The following ZFYVE26 variants were observed in gnomAD, a reference collection of about 807,000 sequenced individuals.
The protein encoded by ZFYVE26 is zinc finger FYVE-type containing 26, also known as zinc finger FYVE domain-containing protein 26.
In ZFYVE26, 181 loss-of-function variants were observed where a neutral mutation model predicts 276.5. The observed-to-expected ratio is 0.65, with a 90% confidence interval of 0.58 to 0.74. The LOEUF is 0.74. Ranked by LOEUF, ZFYVE26 falls within the 30% of genes least tolerant of loss-of-function variation. ZFYVE26 has a pLI of 0.00. For synonymous variants in ZFYVE26, 1,129 were observed against 1,203.1 expected, an observed-to-expected ratio of 0.94 and a Z score of 1.27; for missense variants, 2,821 against 3,097.9, an observed-to-expected ratio of 0.91 and a Z score of 2.12.
At position 67,740,985 on chromosome 14, in the gene ZFYVE26, A is replaced by T. The variant is rs147018858; in HGVS notation, n.2679+10067T>A. Among the ~76,000 whole-genome samples, 25 of 152,308 alleles carry T rather than the reference A, an allele frequency of 1.6e-4. 1 individual carries two copies. The East Asian group carries it at 4.8e-3, about 29-fold the overall frequency. ...CCATAGACAAATGTTGCAAACACAC[A>T]TTGGAATATGAAGAAGGACAAGAAT... is the stretch of plus-strand genomic sequence containing the variant. On this transcript the variant is annotated intron_variant and non_coding_transcript_variant, in intron 13 of 14. Coordinates refer to the ZFYVE26 transcript ENST00000394455.
chr14:67,730,152 G>A (rs1201538325), intron 13 of ZFYVE26, among the ~76,000 whole-genome samples: 1 of 152,174 alleles, frequency 6.6e-6, no homozygotes, highest in African/African-American at 2.4e-5. Context: ...ACAACCCTGC[G>A]AGGCAGGTAA....
At chr14:67,740,341 AAATT>A (rs1407150405) in intron 13 of ZFYVE26, among the ~76,000 whole-genome samples, 10 of 151,288 alleles carry the variant, frequency 6.6e-5, no homozygotes, top group African/African-American at 2.4e-4. Flanking sequence ...AATGCAAAAA[AAATT>A]ATTTAAAAAA....
intron 10 of ZFYVE26, chr14:67,799,557 A>G: frequency 6.5e-7 from 1 of 1,531,706 alleles, no homozygotes; most frequent in South Asian, 1.1e-5. Context: ...AAGTACTGCA[A>G]GTCTTCCAAA....
chr14:67,757,427 C>T (rs1175789572), intron 35 of ZFYVE26, among the ~76,000 whole-genome samples: 3 of 152,142 alleles, frequency 2.0e-5, no homozygotes, highest in Non-Finnish European at 4.4e-5. Flanking sequence ...CTCATCACAC[C>T]CTCTGCCTTC....
At chr14:67,774,984 A>T (rs1009550489) in intron 27 of ZFYVE26, 32 bp downstream of exon 27, 6 of 1,536,774 alleles carry the variant, frequency 3.9e-6, no homozygotes, top group Non-Finnish European at 5.4e-6. Flanking sequence ...TAAACTGAAA[A>T]ATTTTAGTGA....
chr14:67,729,099 T>C, intron 14 of ZFYVE26: 1 of 1,312,778 alleles, frequency 7.6e-7, no homozygotes, highest in Non-Finnish European at 1.1e-6. Flanking sequence ...CCTGAGTCCC[T>C]CCTTCTCACT....
intron 28 of ZFYVE26, among the ~76,000 whole-genome samples, chr14:67,771,605 A>G (rs1033008225): frequency 2.2e-4 from 33 of 152,212 alleles, no homozygotes; most frequent in African/African-American, 7.0e-4. Context: ...TATCATCCTT[A>G]GTTTACAAGT....
downstream of ZFYVE26, among the ~76,000 whole-genome samples, chr14:67,744,166 CAA>C (rs1039337606): frequency 1.3e-5 from 2 of 152,232 alleles, no homozygotes; most frequent in African/African-American, 4.8e-5. Flanking sequence ...CTTGGGTATT[CAA>C]AGAGTCTAAT....
At chr14:67,798,873 C>A in intron 10 of ZFYVE26, 2 of 876,124 alleles carry the variant, frequency 2.3e-6, no homozygotes, top group African/African-American at 3.4e-5. Context: ...ACCGGGCCTC[C>A]CCAGCCTTTT....
rs373417029 is a variant in ZFYVE26 at position 67,769,982 on chromosome 14, T to C, written c.5485-252A>G. 24 of 536,012 alleles carry C rather than the reference T, an allele frequency of 4.5e-5. No individual in the cohort carries two copies. In the East Asian group the frequency reaches 6.0e-4, roughly 13 times the overall value. The allele number at this position is 536,012 out of a possible 1,614,324, so 33.2% of individuals were successfully genotyped here. A position where few individuals can be genotyped will look rare whatever the true frequency, so the allele number is the denominator to read the frequency against. On this transcript the variant is annotated intron_variant, in intron 28 of 41. Transcript: ENST00000347230. Reference sequence around the variant, plus strand: ...TAGCTCCTGACAAGTTCTACTTGTGTATGGAGGCAACATGTGGAAAAACAA... The same window carrying C: ...TAGCTCCTGACAAGTTCTACTTGTGCATGGAGGCAACATGTGGAAAAACAA...
At position 67,798,071 on chromosome 14, in the gene ZFYVE26, T is replaced by C; in HGVS notation, c.2191A>G (p.Lys731Glu). The change falls in exon 11 of 42, where the codon AAG becomes GAG. Residue 731 changes from lysine to glutamate, a missense_variant. By Grantham distance (56) the Lys-to-Glu change is moderately conservative. Coordinates refer to ENST00000347230, the MANE Select transcript of ZFYVE26 (RefSeq NM_015346.4). ...GLQSRLHRLS[K>E]VVSEAQWRHK... is the part of the protein sequence containing the mutation. ...CTCCACTGGGCCTCAGAGACAACCT[T>C]GGAAAGTCGATGCAGGCGGCTCTGC... The C allele has an allele frequency of 6.2e-7, 1 of 1,614,174 alleles. No individual in the cohort carries two copies. The highest frequency in any genetic ancestry group is 1.6e-4 in the Middle Eastern group (1 of 6,062).
Position 67,785,216 on chromosome 14 carries a change from T to C in ZFYVE26, c.3366A>G (p.Ala1122=), listed in dbSNP as rs1170663999. ...VEQAAQKAPE[A]EAHPVQIQTQ... is the part of the protein sequence containing the mutation. ...TCTGGATCTGCACAGGGTGGGCCTC[T>C]GCCTCTGGAGCTTTCTGGGCTGCCT... The change falls in exon 19 of 42, where the codon GCA becomes GCG. Residue 1122 remains alanine, a synonymous_variant. Transcript: ENST00000347230. 6.2e-7 allele frequency: 1 copy of C among 1,613,972 alleles called. No individual in the cohort carries two copies. The highest frequency in any genetic ancestry group is 8.5e-7 in the Non-Finnish European group (1 of 1,179,892).
chr14:67,789,862 G>T (rs1566887620), intron 15 of ZFYVE26, among the ~76,000 whole-genome samples: 2 of 152,182 alleles, frequency 1.3e-5, no homozygotes, highest in Non-Finnish European at 2.9e-5. Context: ...GAATGACGTA[G>T]ATCTGTGTGT....
rs575040793 is a variant in ZFYVE26 at position 67,761,199 on chromosome 14, A to G, written c.6588+167T>C. On this transcript the variant is annotated intron_variant, in intron 35 of 41. Transcript: ENST00000347230. ...GGCTAAGACTTTTCACACTCACTGA[A>G]TAACAGTTGTGCAGAGTCCCCTGTT... 4.1e-6 allele frequency: 3 copies of G among 729,394 alleles called. No individual in the cohort carries two copies. In the African/African-American group the frequency reaches 5.2e-5, roughly 13 times the overall value. 45.2% of individuals were successfully genotyped at this position (729,394 alleles called of 1,614,324 possible).
chr14:67,792,859 C>T (rs2039851813), intron 14 of ZFYVE26, among the ~76,000 whole-genome samples: 1 of 128,566 alleles, frequency 7.8e-6, no homozygotes, highest in African/African-American at 2.9e-5. Context: ...TTGCAGTGAG[C>T]TGGGATCGCG....
At chr14:67,798,957 G>A (rs1353502853) in intron 10 of ZFYVE26, 14 of 1,129,430 alleles carry the variant, frequency 1.2e-5, no homozygotes, top group African/African-American at 3.0e-5. Flanking sequence ...CTCGCGCCGC[G>A]GTTTCGGTGG....
intron 4 of ZFYVE26, among the ~76,000 whole-genome samples, chr14:67,808,440 A>C (rs75314458): frequency 0.033 from 5,042 of 152,260 alleles, 195 homozygotes; most frequent in African/African-American, 0.086. Flanking sequence ...ACTTCAATGT[A>C]CTTAAAATTA....
At chr14:67,786,852 C>T (rs910708578) in intron 16 of ZFYVE26, among the ~76,000 whole-genome samples, 1 of 152,148 alleles carries the variant, frequency 6.6e-6, no homozygotes, top group Non-Finnish European at 1.5e-5. Context: ...GAGTACTATA[C>T]AGTTATGGAA....
At chr14:67,785,837 C>G in intron 18 of ZFYVE26, 21 bp downstream of exon 18, 1 of 1,613,894 alleles carries the variant, frequency 6.2e-7, no homozygotes, top group Non-Finnish European at 8.5e-7. Context: ...TTTATTTGTT[C>G]CCAAGCAGAC....
Sources: allele counts gnomAD v4.1 joint callset (sites outside exome capture counted in the v4.1 genomes callset), GRCh38; gene constraint gnomAD v4.1.1; transcripts MANE v1.5; gene names NCBI Gene and HGNC (gene_info 2026-07-23, HGNC 2026-07-21).